PRKAR1B: variants seen among roughly 807,000 people sequenced by gnomAD.
The protein encoded by PRKAR1B is protein kinase cAMP-dependent type I regulatory subunit beta.
PRKAR1B carries 22 observed loss-of-function variants against 46.5 expected under a neutral mutation model. The observed-to-expected ratio is 0.47, with a 90% CI of 0.34 to 0.68. The LOEUF (loss-of-function observed/expected upper bound fraction) is 0.68. Among genes scored for constraint, PRKAR1B ranks in the 30% least tolerant of loss-of-function variants. The probability of loss-of-function intolerance (pLI) is 0.01; values close to 1 mark genes in which losing one functional copy is unlikely to be tolerated. For missense variants in PRKAR1B, 445 were observed against 535.6 expected (o/e 0.83, Z 1.67); for synonymous variants, 259 against 217.7 (o/e 1.19, Z -1.67).
chr7:647,411 C>T (rs1784671809), intron 4 of PRKAR1B, among the ~76,000 whole-genome samples: 1 of 152,094 alleles, frequency 6.6e-6, no homozygotes. Flanking sequence ...TCCATGCCCC[C>T]TCTATGATCC....
intron 9 of PRKAR1B, 144 bp downstream of exon 9, chr7:579,112 C>A (rs1583236507): frequency 1.3e-6 from 2 of 1,541,738 alleles, no homozygotes; most frequent in Non-Finnish European, 1.7e-6. Flanking sequence ...ACCACCCACC[C>A]CATGGAGGCC....
intron 9 of PRKAR1B, among the ~76,000 whole-genome samples, chr7:573,711 A>G (rs1054642709): frequency 1.3e-5 from 2 of 152,248 alleles, no homozygotes; most frequent in Admixed American, 6.5e-5. Flanking sequence ...CGAGTCGTCA[A>G]CCAGGGAGTG....
rs34755774 is a variant in PRKAR1B at position 563,885 on chromosome 7, A to G, written c.892-12415T>C. On this transcript the variant is annotated intron_variant, in intron 9 of 10. Transcript: ENST00000537384. ...GGGTGTGCATGGGTTGTGGGTGTGT[A>G]TATGTGCATGTGTGCACACGTGTGC... Among the ~76,000 whole-genome samples, 1,040 of 150,190 alleles carry G rather than the reference A, an allele frequency of 6.9e-3. 4 individuals carry two copies. The highest frequency in any genetic ancestry group is 0.018 in the Middle Eastern group (5 of 282).
At chr7:567,510 ACCTTCATCACCATCACCATCATC>A in intron 9 of PRKAR1B, among the ~76,000 whole-genome samples, 1 of 149,702 alleles carries the variant, frequency 6.7e-6, no homozygotes, top group Non-Finnish European at 1.5e-5. Flanking sequence ...CATCACCATC[ACCTTCATCACCATCACCATCATC>A]ACTATCACCA....
intron 9 of PRKAR1B, among the ~76,000 whole-genome samples, chr7:570,721 C>T (rs992425342): frequency 3.9e-5 from 6 of 152,312 alleles, no homozygotes; most frequent in East Asian, 3.9e-4. Context: ...CCCAGAGTAA[C>T]GCTGGCGTTC....
At chr7:576,147 TCTC>T (rs1276018749) in intron 9 of PRKAR1B, among the ~76,000 whole-genome samples, 1 of 144,342 alleles carries the variant, frequency 6.9e-6, no homozygotes, top group Non-Finnish European at 1.5e-5. Context: ...GCTGGCATCC[TCTC>T]CTCTGCAGAC....
At chr7:630,358 G>A (rs1783665809) in intron 4 of PRKAR1B, among the ~76,000 whole-genome samples, 2 of 152,194 alleles carry the variant, frequency 1.3e-5, no homozygotes, top group South Asian at 4.1e-4. Flanking sequence ...CCGGGAGCTG[G>A]AAAACAGGCC....
chr7:725,458 G>A (rs1034455210), intron 1 of PRKAR1B, among the ~76,000 whole-genome samples: 4 of 152,190 alleles, frequency 2.6e-5, no homozygotes, highest in African/African-American at 7.2e-5. Context: ...ACTCCAAGCT[G>A]TTTAGGCGCC....
chr7:571,208 A>G (rs9286357), intron 9 of PRKAR1B, among the ~76,000 whole-genome samples: 68,298 of 152,024 alleles, frequency 0.45, 15,590 homozygotes, highest in Admixed American at 0.59. Context: ...GGCACTGTCC[A>G]AGACCCCAGC....
intron 6 of PRKAR1B, among the ~76,000 whole-genome samples, chr7:599,579 C>A (rs1052356918): frequency 1.3e-5 from 2 of 152,340 alleles, no homozygotes; most frequent in Non-Finnish European, 1.5e-5. Flanking sequence ...TGAGCCACCA[C>A]GCCCAGCTTC....
At chr7:586,382 A>C (rs754926158) in intron 7 of PRKAR1B, among the ~76,000 whole-genome samples, 1 of 152,232 alleles carries the variant, frequency 6.6e-6, no homozygotes. Context: ...GAGAATGCTA[A>C]GGAAATGAGT....
intron 1 of PRKAR1B, among the ~76,000 whole-genome samples, chr7:719,993 CT>C (rs1781015386): frequency 6.6e-6 from 1 of 150,646 alleles, no homozygotes; most frequent in Admixed American, 6.6e-5. Flanking sequence ...TTCCTGCTAT[CT>C]GCTGTTGATG....
At chr7:566,090 T>C (rs1464452022) in intron 9 of PRKAR1B, among the ~76,000 whole-genome samples, 1 of 121,342 alleles carries the variant, frequency 8.2e-6, no homozygotes, top group Admixed American at 8.3e-5. Flanking sequence ...AATATGGAAA[T>C]GTTTGAAACA....
At chr7:661,465 C>A (rs541723863) in intron 4 of PRKAR1B, among the ~76,000 whole-genome samples, 1 of 100,420 alleles carries the variant, frequency 1.0e-5, no homozygotes, top group East Asian at 3.4e-4. Context: ...CCCCATGGCA[C>A]AGTTCCCCAC....
At chr7:723,171 G>C (rs1781132481) in intron 1 of PRKAR1B, among the ~76,000 whole-genome samples, 1 of 152,218 alleles carries the variant, frequency 6.6e-6, no homozygotes, top group Non-Finnish European at 1.5e-5. Context: ...TACCTGTGCA[G>C]TGCAGACTGT....
At chr7:561,864 T>TCCGC (rs1322084311) in intron 9 of PRKAR1B, 2 of 152,178 alleles carry the variant, frequency 1.3e-5, no homozygotes, top group African/African-American at 4.8e-5. Flanking sequence ...CGGGGCTGCG[T>TCCGC]CCGCCCCCGC....
Position 550,312 on chromosome 7 carries a change from G to A in PRKAR1B, c.*118C>T. 1 of 845,104 alleles carries A rather than the reference G, an allele frequency of 1.2e-6. No homozygotes were observed. The highest frequency in any genetic ancestry group is 1.9e-6 in the Non-Finnish European group (1 of 532,344). 52.4% of individuals were successfully genotyped at this position (845,104 alleles called of 1,614,324 possible). On this transcript the variant is annotated 3_prime_UTR_variant, in exon 11 of 11. Coordinates refer to ENST00000537384, the MANE Select transcript of PRKAR1B (RefSeq NM_001164760.2). The stretch of plus-strand genomic sequence containing the variant: ...CCGGGGAAGGGGCAGTCCTCACGCT[G>A]CCGGGACCCAGCCCCACCCGGCCCA...
At chr7:568,122 T>C (rs1202247080) in intron 9 of PRKAR1B, among the ~76,000 whole-genome samples, 2 of 152,208 alleles carry the variant, frequency 1.3e-5, no homozygotes, top group Non-Finnish European at 2.9e-5. Flanking sequence ...ACCTATGGCC[T>C]CAGCTCATAC....
chr7:632,861 A>G (rs1783835322), intron 4 of PRKAR1B, among the ~76,000 whole-genome samples: 2 of 152,192 alleles, frequency 1.3e-5, no homozygotes, highest in Admixed American at 6.6e-5. Flanking sequence ...CCACAGCCTC[A>G]AGGAGCCCCC....
Sources: gnomAD v4.1 joint callset for allele counts (sites outside exome capture counted in the v4.1 genomes callset) on GRCh38, gnomAD v4.1.1 for gene constraint, MANE v1.5 for transcripts, NCBI Gene and HGNC (gene_info 2026-07-23, HGNC 2026-07-21) for gene names.